The following SMG5 variants were observed in gnomAD, a reference collection of about 807,000 sequenced individuals.
SMG5 encodes SMG5 nonsense mediated mRNA decay factor.
A neutral mutation model predicts 122.9 loss-of-function variants in SMG5; 53 were observed. The ratio of observed to expected loss-of-function variants is 0.43; its 90% CI spans 0.35 to 0.54. The LOEUF (loss-of-function observed/expected upper bound fraction) is 0.54, where lower values mean the gene tolerates loss of function less well. SMG5 is among the 20% of genes least tolerant of loss of function. The pLI, the probability that SMG5 is intolerant of heterozygous loss-of-function variation, is 0.01. For missense variants in SMG5, 1,153 were observed against 1,285.6 expected (o/e 0.90, Z 1.58); for synonymous variants, 477 against 490.2 (o/e 0.97, Z 0.35).
chr1:156,252,932 G>A lies in SMG5; in HGVS notation c.2649C>T (p.Ile883=), dbSNP rs1312833462. ...CAATGTACTTACCTGTCCTTGGGAT[G>A]ATGACAATGAAGCGGCCACTGGTGG... ...QLATSGRFIV[I]IPRTVIDGLD... Residue 883 remains isoleucine, a synonymous_variant, in exon 18 of 22, where the codon ATC becomes ATT. Transcript: ENST00000361813. The A allele has an allele frequency of 6.2e-7, 1 of 1,608,210 alleles. No individual in the cohort carries two copies. Among genetic ancestry groups the A allele is most frequent in the African/African-American group, 1.3e-5 (1 of 74,968 alleles).
At chr1:156,262,389 T>C (rs961188278) in intron 13 of SMG5, among the ~76,000 whole-genome samples, 2 of 143,594 alleles carry the variant, frequency 1.4e-5, no homozygotes, top group Non-Finnish European at 3.0e-5. Flanking sequence ...GGTGGGAGAA[T>C]GGTATGAACC....
chr1:156,282,565 C>A, intron 1 of SMG5, 42 bp downstream of exon 1: 3 of 1,577,212 alleles, frequency 1.9e-6, no homozygotes, highest in South Asian at 1.1e-5. Context: ...GCCGTCTCCC[C>A]ACTTCCCTCG....
At chr1:156,266,751 A>C in intron 10 of SMG5, 73 bp from the exon 11 acceptor site, 1 of 1,523,350 alleles carries the variant, frequency 6.6e-7, no homozygotes. Context: ...TTCCAACCAC[A>C]TCTCATCTGT....
chr1:156,253,741 G>C, intron 16 of SMG5: 3 of 563,152 alleles, frequency 5.3e-6, no homozygotes, highest in Non-Finnish European at 9.7e-6. Context: ...AGGCCCTGCA[G>C]GGGAGGGGAA....
chr1:156,249,642 AC>A lies in SMG5; in HGVS notation c.*944del. 2.4e-6 allele frequency: 1 copy of A among 425,214 alleles called. No individual in the cohort carries two copies. Among genetic ancestry groups the A allele is most frequent in the Non-Finnish European group, 4.9e-6 (1 of 204,734 alleles). 26.3% of individuals were successfully genotyped at this position (425,214 alleles called of 1,614,324 possible). A position where few individuals can be genotyped will look rare whatever the true frequency, so the allele number is the denominator to read the frequency against. On this transcript the variant is annotated 3_prime_UTR_variant, in exon 22 of 22. Coordinates refer to ENST00000361813, the MANE Select transcript of SMG5 (RefSeq NM_015327.3). ...GCAAAAGGAGGGACGGGGGCCTCTG[AC>A]TGAGCAGCTTCAAGGAGCCTCTCCT...
intron 2 of SMG5, among the ~76,000 whole-genome samples, chr1:156,278,647 G>A (rs1250224603): frequency 6.6e-6 from 1 of 152,080 alleles, no homozygotes; most frequent in Non-Finnish European, 1.5e-5. Flanking sequence ...GATTACAAAC[G>A]TGAGCCACTG....
chr1:156,283,086 G>A (rs1221682392), upstream of SMG5: 2 of 390,638 alleles, frequency 5.1e-6, no homozygotes, highest in African/African-American at 4.2e-5. Flanking sequence ...AGCTAGGAGC[G>A]TGACTGCTTT....
Position 156,282,642 on chromosome 1 carries a change from G to A in SMG5, c.39C>T (p.Pro13=), listed in dbSNP as rs1663012316. Residue 13 remains proline (P), a synonymous_variant, in exon 1 of 22, where the codon CCC becomes CCT. Coordinates refer to ENST00000361813, the MANE Select transcript of SMG5 (RefSeq NM_015327.3). ...QGPPTGESSE[P]EAKVLHTKRL... is the part of the protein sequence containing the mutation. ...GCTTAGTGTGGAGGACTTTTGCTTC[G>A]GGCTCGCTGCTCTCCCCTGTGGGGG... is the stretch of plus-strand genomic sequence containing the variant. 11 of 1,608,418 alleles carry A rather than the reference G, an allele frequency of 6.8e-6. No homozygotes were observed. Among genetic ancestry groups the A allele is most frequent in the Non-Finnish European group, 9.3e-6 (11 of 1,179,660 alleles).
intron 14 of SMG5, 136 bp from the exon 15 acceptor site, chr1:156,260,762 TGGAG>T: frequency 1.4e-6 from 1 of 711,128 alleles, no homozygotes; most frequent in Non-Finnish European, 2.1e-6. Flanking sequence ...TGCGGAGAGA[TGGAG>T]GGAGTGAAGT....
chr1:156,254,570 A>G (rs1053399545), intron 16 of SMG5, among the ~76,000 whole-genome samples: 4 of 151,986 alleles, frequency 2.6e-5, no homozygotes, highest in African/African-American at 9.7e-5. Context: ...CAGCCCCCCA[A>G]CTAGCTGGGA....
chr1:156,286,024 T>TGA (rs1336736380), upstream of SMG5: 2 of 1,571,778 alleles, frequency 1.3e-6, no homozygotes, highest in African/African-American at 2.7e-5. Flanking sequence ...GAAGTGGACT[T>TGA]GAGGAGGGCA....
chr1:156,251,448 T>C lies in SMG5; in HGVS notation c.2783A>G (p.Lys928Arg), dbSNP rs892696096. ...RYIRCQKEVG[K>R]SFERHKLKRQ... The stretch of plus-strand genomic sequence containing the variant: ...CTTCAGCTTATGCCGCTCAAAGCTC[T>C]TTCCCACCTCTTTCTGGCAGCGAAT... Residue 928 changes from lysine to arginine, a missense_variant, in exon 20 of 22, where the codon AAG becomes AGG. By Grantham distance (26) the Lys-to-Arg change is conservative. Coordinates refer to ENST00000361813, the MANE Select transcript of SMG5 (RefSeq NM_015327.3). 7.4e-6 allele frequency: 12 copies of C among 1,614,154 alleles called. No homozygotes were observed. The highest frequency in any genetic ancestry group is 8.5e-6 in the Non-Finnish European group (10 of 1,180,034).
At chr1:156,261,798 G>C (rs1194147290) in intron 13 of SMG5, among the ~76,000 whole-genome samples, 1 of 151,114 alleles carries the variant, frequency 6.6e-6, no homozygotes, top group Admixed American at 6.6e-5. Flanking sequence ...GCTGAGGCAG[G>C]AGAATCGCTT....
intron 4 of SMG5, 125 bp from the exon 5 acceptor site, chr1:156,274,811 G>A: frequency 1.4e-6 from 1 of 727,270 alleles, no homozygotes; most frequent in Non-Finnish European, 2.4e-6. Context: ...TGTCTTTCAG[G>A]GCAGAGACAC....
At chr1:156,258,302 G>A (rs1661668465) in intron 16 of SMG5, among the ~76,000 whole-genome samples, 1 of 152,230 alleles carries the variant, frequency 6.6e-6, no homozygotes, top group African/African-American at 2.4e-5. Context: ...ATAAGACAAT[G>A]TGCAAGGCAC....
chr1:156,263,528 C>T lies in SMG5; in HGVS notation c.1898G>A (p.Gly633Glu). The T allele has an allele frequency of 6.2e-7, 1 of 1,614,236 alleles. No homozygotes were observed. The highest frequency in any genetic ancestry group is 8.5e-7 in the Non-Finnish European group (1 of 1,180,032). ...GCTGCGCTCATTCCGACAGGAGCGT[C>T]CACTGGACTCACTCCCCTCCGACTC... ...GSESEGSESSGRSCRNERSIQ... is the reference protein window; with the variant it reads ...GSESEGSESSERSCRNERSIQ... The change falls in exon 13 of 22, where the codon GGA becomes GAA. Residue 633 changes from glycine to glutamate, a missense_variant. By Grantham distance (98) the Gly-to-Glu change is moderately conservative. Transcript: ENST00000361813.
chr1:156,291,020 ATCCC>A, the SMG5 span: 2 of 229,694 alleles, frequency 8.7e-6, no homozygotes, highest in Admixed American at 5.1e-5. Flanking sequence ...CGCATCTGTA[ATCCC>A]AGCTACTCAG....
intron 20 of SMG5, 166 bp downstream of exon 20, chr1:156,251,237 G>A: frequency 1.1e-6 from 1 of 939,384 alleles, no homozygotes; most frequent in Non-Finnish European, 1.7e-6. Context: ...AAGCTCAGGT[G>A]CTGCGGCAAC....
rs1291984528 is a variant in SMG5, at chr1:156,268,336, G to C, written c.793C>G (p.Gln265Glu). Residue 265 changes from glutamine to glutamate, a missense_variant, in exon 8 of 22, where the codon CAA becomes GAA. Physicochemically the swap from Gln to Glu is conservative, Grantham distance 29. Around this residue, in one of 5 missense-constraint regions of SMG5, gnomAD observed 85 missense variants for 127.3 expected, o/e 0.67. Coordinates refer to ENST00000361813, the MANE Select transcript of SMG5 (RefSeq NM_015327.3). ...TTCCGAGTCTCACACTTCTTCAGTT[G>C]GTGGTACATTTTGGCTGCCTTGTCA... ...LYDKAAKMYHQLKKCETRKLS... is the reference protein window; with the variant it reads ...LYDKAAKMYHELKKCETRKLS... 1.2e-6 allele frequency: 2 copies of C among 1,614,026 alleles called. No individual in the cohort carries two copies. The highest frequency in any genetic ancestry group is 1.3e-5 in the African/African-American group (1 of 74,904).
Sources: gnomAD v4.1 joint callset for allele counts (sites outside exome capture counted in the v4.1 genomes callset) on GRCh38, gnomAD v4.1.1 for gene constraint, gnomAD v4.1.1 regional missense constraint, MANE v1.5 for transcripts, NCBI Gene and HGNC (gene_info 2026-07-23, HGNC 2026-07-21) for gene names.